The following FKBP15 variants were observed in gnomAD, a reference collection of about 807,000 sequenced individuals.
The protein encoded by FKBP15 is FK506-binding protein 15.
A neutral mutation model predicts 158.1 loss-of-function variants in FKBP15; 106 were observed. The observed-to-expected ratio is 0.67, with a 90% confidence interval of 0.57 to 0.79. The LOEUF (loss-of-function observed/expected upper bound fraction) is 0.79. FKBP15 is among the 30% of genes least tolerant of loss of function. FKBP15 has a pLI of 0.00. For synonymous variants in FKBP15, 547 were observed against 548.6 expected (o/e 1.00, Z 0.04); for missense variants, 1,287 against 1,479.1 (o/e 0.87, Z 2.13).
intron 1 of FKBP15, among the ~76,000 whole-genome samples, chr9:113,213,348 G>A (rs1831052728): frequency 6.6e-6 from 1 of 151,836 alleles, no homozygotes; most frequent in Admixed American, 6.6e-5. Context: ...GGCAGATGTT[G>A]CAGTGAGCTG....
chr9:113,211,421 A>C, intron 2 of FKBP15, 56 bp downstream of exon 2: 1 of 1,402,786 alleles, frequency 7.1e-7, no homozygotes, highest in Non-Finnish European at 9.8e-7. Context: ...GGCCTCCCAA[A>C]GTGCTGGGAT....
At position 113,168,550 on chromosome 9, in the gene FKBP15, A is replaced by G. The variant is rs991164498; in HGVS notation, c.3492T>C (p.Ser1164=). ...TAAACAGTTCATCCTCTTCATCCCC[A>G]GAGAGACTGAAGGAAAATCAAGTCA... is the stretch of plus-strand genomic sequence containing the variant. The part of the protein sequence containing the change: ...PSHHSQRSSL[S]GDEEDELFKG... Residue 1164 remains serine, a synonymous_variant, in exon 27 of 28, where the codon TCT becomes TCC. Coordinates refer to ENST00000238256, the MANE Select transcript of FKBP15 (RefSeq NM_015258.2). 2.5e-6 allele frequency: 4 copies of G among 1,613,596 alleles called. No homozygotes were observed. The African/African-American group carries it at 5.3e-5, about 22-fold the overall frequency.
intron 9 of FKBP15, among the ~76,000 whole-genome samples, chr9:113,196,388 T>C (rs1226491695): frequency 6.7e-6 from 1 of 149,848 alleles, no homozygotes; most frequent in East Asian, 2.0e-4. Flanking sequence ...TGACTTTTTT[T>C]TTTTTTTTTT....
intron 26 of FKBP15, 77 bp from the exon 27 acceptor site, chr9:113,168,633 C>A: frequency 7.9e-7 from 1 of 1,268,560 alleles, no homozygotes; most frequent in South Asian, 1.2e-5. Flanking sequence ...CAAGGGTCAC[C>A]GGCCCTTGGG....
At chr9:113,190,892 G>A (rs1830562404) in intron 11 of FKBP15, among the ~76,000 whole-genome samples, 1 of 152,156 alleles carries the variant, frequency 6.6e-6, no homozygotes, top group Non-Finnish European at 1.5e-5. Context: ...AAAGTGAGAT[G>A]TTAAGAAAGG....
intron 7 of FKBP15, 77 bp downstream of exon 7, chr9:113,199,737 A>G: frequency 7.0e-7 from 1 of 1,423,024 alleles, no homozygotes. Flanking sequence ...AGCCGTTCAC[A>G]GTAATAGTAT....
At chr9:113,214,590 C>T (rs1467470914) in intron 1 of FKBP15, among the ~76,000 whole-genome samples, 1 of 152,126 alleles carries the variant, frequency 6.6e-6, no homozygotes, top group Non-Finnish European at 1.5e-5. Context: ...GCCTAAGGGC[C>T]CTAGGATTTT....
In FKBP15 at chr9:113,175,019, C is replaced by T. The variant is rs1830276758; in HGVS notation, c.2224-436G>A. Among the ~76,000 whole-genome samples, 4 of 5,268 alleles carry T rather than the reference C, an allele frequency of 7.6e-4. 2 individuals are homozygous for T. Among genetic ancestry groups the T allele is most frequent in the South Asian group, 0.025 (2 of 80 alleles). 3.5% of individuals were successfully genotyped at this position (5,268 alleles called of 152,430 possible). A position where few individuals can be genotyped will look rare whatever the true frequency, so the allele number is the denominator to read the frequency against. ...CGGAGCTTGCAGTGAGCCGAGATCC[C>T]GCCACTGCACTCCATCCTGGGCGAC... On this transcript the variant is annotated intron_variant, in intron 21 of 27. Coordinates refer to ENST00000238256, the MANE Select transcript of FKBP15 (RefSeq NM_015258.2).
intron 6 of FKBP15, among the ~76,000 whole-genome samples, chr9:113,201,646 C>T (rs1303653889): frequency 6.6e-6 from 1 of 152,170 alleles, no homozygotes; most frequent in Non-Finnish European, 1.5e-5. Flanking sequence ...GTCTGCAACC[C>T]AGAAGAGGGT....
intron 1 of FKBP15, among the ~76,000 whole-genome samples, chr9:113,216,905 T>A (rs1312614557): frequency 3.5e-5 from 2 of 57,616 alleles, no homozygotes; most frequent in Non-Finnish European, 7.3e-5. Context: ...TTCCATTTTC[T>A]TTTTTTTTTT....
chr9:113,161,994 C>A lies in FKBP15; in HGVS notation c.*4084G>T. On this transcript the variant is annotated 3_prime_UTR_variant, in exon 28 of 28. Transcript: ENST00000238256. ...AGCAAATGAGGTGGCCACCCACCCT[C>A]CCCCAAATCTCACCAGTTCCATGGG... 2.1e-6 allele frequency: 1 copy of A among 487,510 alleles called. No homozygotes were observed. The allele number at this position is 487,510 out of a possible 1,614,324, so 30.2% of individuals were successfully genotyped here.
At chr9:113,173,693 C>A in intron 22 of FKBP15, 88 bp from the exon 23 acceptor site, 1 of 1,402,434 alleles carries the variant, frequency 7.1e-7, no homozygotes, top group South Asian at 1.3e-5. Flanking sequence ...TTTCAAAAAG[C>A]AAAAGAATAA....
intron 2 of FKBP15, among the ~76,000 whole-genome samples, chr9:113,208,155 G>A (rs1347678430): frequency 2.0e-5 from 3 of 152,078 alleles, no homozygotes; most frequent in African/African-American, 7.2e-5. Context: ...TGGCCAATAT[G>A]GTGAAACCTT....
At chr9:113,212,125 A>C (rs1806551394) in intron 1 of FKBP15, among the ~76,000 whole-genome samples, 1 of 152,190 alleles carries the variant, frequency 6.6e-6, no homozygotes, top group African/African-American at 2.4e-5. Flanking sequence ...ATCCCTTGCA[A>C]GAAATCTTAT....
chr9:113,207,142 TCG>T, intron 3 of FKBP15, 68 bp downstream of exon 3: 2 of 1,208,938 alleles, frequency 1.7e-6, no homozygotes, highest in African/African-American at 2.4e-5. Flanking sequence ...CAGAGGTTTT[TCG>T]AGAAAAAGTA....
intron 2 of FKBP15, among the ~76,000 whole-genome samples, chr9:113,210,059 G>A (rs1329512861): frequency 1.3e-5 from 2 of 152,230 alleles, no homozygotes; most frequent in East Asian, 3.8e-4. Context: ...ACACTGGACA[G>A]TGCCTACTTA....
chr9:113,195,967 C>T (rs949071811), intron 9 of FKBP15, among the ~76,000 whole-genome samples: 5 of 152,018 alleles, frequency 3.3e-5, no homozygotes, highest in African/African-American at 1.2e-4. Flanking sequence ...TGTGTATACA[C>T]ATACATGTAC....
intron 4 of FKBP15, chr9:113,206,224 C>T: frequency 2.1e-6 from 1 of 468,948 alleles, no homozygotes; most frequent in Non-Finnish European, 3.8e-6. Flanking sequence ...ACACACGCAC[C>T]CCACAATTGA....
At chr9:113,217,275 C>T (rs1364689156) in intron 1 of FKBP15, among the ~76,000 whole-genome samples, 1 of 146,286 alleles carries the variant, frequency 6.8e-6, no homozygotes, top group Non-Finnish European at 1.5e-5. Context: ...TGCAGTGGCA[C>T]GACCTTGGCT....
Sources: allele counts gnomAD v4.1 joint callset (sites outside exome capture counted in the v4.1 genomes callset), GRCh38; gene constraint gnomAD v4.1.1; transcripts MANE v1.5; gene names NCBI Gene and HGNC (gene_info 2026-07-23, HGNC 2026-07-21).